The following HERC6 variants were observed in gnomAD, a reference collection of about 807,000 sequenced individuals.
HERC6 encodes HECT and RLD domain containing E3 ubiquitin protein ligase family member 6, also known as probable E3 ubiquitin-protein ligase HERC6.
In HERC6, 101 loss-of-function variants were observed where a neutral mutation model predicts 114.5. The observed-to-expected ratio is 0.88, with a 90% CI of 0.75 to 1.04. The LOEUF (loss-of-function observed/expected upper bound fraction) is 1.04. Ranked by LOEUF, HERC6 falls within the 50% of genes least tolerant of loss-of-function variation. HERC6 has a pLI of 0.00. For missense variants in HERC6, 1,133 were observed against 1,230.9 expected (o/e 0.92, Z 1.19); for synonymous variants, 408 against 436.2 (o/e 0.94, Z 0.81).
In HERC6 at chr4:88,390,820, C is replaced by G. The variant is rs769497438; in HGVS notation, c.605C>G (p.Ser202Trp). 6.2e-7 allele frequency: 1 copy of G among 1,613,932 alleles called. No individual in the cohort carries two copies. Among genetic ancestry groups the G allele is most frequent in the Non-Finnish European group, 8.5e-7 (1 of 1,179,986 alleles). ...TTTGCCCTGTCTCTCTGTGGGACTT[C>G]GTTTGGCTGGGGAAGTAACAGTGCC... ...HSFALSLCGT[S>W]FGWGSNSAGQ... Residue 202 changes from serine to tryptophan, a missense_variant, in exon 4 of 23, where the codon TCG becomes TGG. Ser to Trp is a radical substitution (Grantham distance 177). Transcript: ENST00000264346.
chr4:88,428,774 C>A, intron 16 of HERC6, 24 bp downstream of exon 16: 1 of 1,474,046 alleles, frequency 6.8e-7, no homozygotes, highest in Non-Finnish European at 9.0e-7. Flanking sequence ...TCTCATTGAA[C>A]ATTTTTACTT....
chr4:88,378,902 C>G lies in HERC6; in HGVS notation c.-20C>G, dbSNP rs1368723122. On this transcript the variant is annotated 5_prime_UTR_variant, in exon 1 of 23. Coordinates refer to ENST00000264346, the MANE Select transcript of HERC6 (RefSeq NM_017912.4). Reference sequence around the variant, plus strand: ...CGGGACCGACGGAATCCGGAGCAGGCGACAGGGCGCAGAAGCGGGATGTAC... The same window carrying G: ...CGGGACCGACGGAATCCGGAGCAGGGGACAGGGCGCAGAAGCGGGATGTAC... The G allele has an allele frequency of 6.4e-7, 1 of 1,564,838 alleles. No homozygotes were observed. The highest frequency in any genetic ancestry group is 8.7e-7 in the Non-Finnish European group (1 of 1,155,506).
Position 88,393,486 on chromosome 4 carries a change from A to C in HERC6, c.665-2A>C, listed in dbSNP as rs778491228. ...TCTAGAGATTCTGCTTTCTTTCAAC[A>C]GTGCAAAGCAACAAGCCTCTCTCAG... On this transcript the variant is annotated splice_acceptor_variant, in intron 4 of 22. Coordinates refer to ENST00000264346, the MANE Select transcript of HERC6 (RefSeq NM_017912.4). LOFTEE classifies it high-confidence loss of function. The C allele has an allele frequency of 2.3e-5, 36 of 1,593,350 alleles. No individual in the cohort carries two copies. Among genetic ancestry groups the C allele is most frequent in the Non-Finnish European group, 3.1e-5 (36 of 1,165,176 alleles).
intron 4 of HERC6, 36 bp downstream of exon 4, chr4:88,390,915 C>A: frequency 6.5e-7 from 1 of 1,541,520 alleles, no homozygotes; most frequent in South Asian, 1.2e-5. Flanking sequence ...GTAAATCATT[C>A]TTTCTTTCCA....
At chr4:88,398,088 A>G (rs1368273585) in intron 7 of HERC6, 54 bp from the exon 8 acceptor site, 1 of 1,224,208 alleles carries the variant, frequency 8.2e-7, no homozygotes, top group Admixed American at 2.7e-5. Flanking sequence ...ATAATACATC[A>G]GATTTATTTT....
chr4:88,404,418 AC>A (rs1184495195), intron 8 of HERC6, among the ~76,000 whole-genome samples: 2 of 151,876 alleles, frequency 1.3e-5, no homozygotes, highest in African/African-American at 4.8e-5. Flanking sequence ...CAAACTCCTG[AC>A]CTCAGGTGAT....
chr4:88,428,771 G>C (rs746280946), intron 16 of HERC6, 21 bp downstream of exon 16: 1 of 1,479,556 alleles, frequency 6.8e-7, no homozygotes, highest in East Asian at 2.5e-5. Flanking sequence ...AAGTCTCATT[G>C]AACATTTTTA....
At chr4:88,394,268 T>A (rs1026827657) in intron 5 of HERC6, among the ~76,000 whole-genome samples, 1 of 150,698 alleles carries the variant, frequency 6.6e-6, no homozygotes, top group Admixed American at 6.6e-5. Flanking sequence ...AGGTCAGGAG[T>A]TCAAGACCAG....
At chr4:88,398,323 G>C in intron 8 of HERC6, 114 bp downstream of exon 8, 1 of 510,602 alleles carries the variant, frequency 2.0e-6, no homozygotes, top group Non-Finnish European at 3.3e-6. Context: ...AAAACAATAA[G>C]GTCCTATATT....
At chr4:88,439,836 T>TC (rs1164490445) in intron 20 of HERC6, 38 bp from the exon 21 acceptor site, 7 of 1,398,252 alleles carry the variant, frequency 5.0e-6, no homozygotes, top group Non-Finnish European at 6.6e-6. Context: ...GCCTTTTCCT[T>TC]CCTTTCTTTT....
At chr4:88,423,451 C>T (rs1040691368) in intron 13 of HERC6, among the ~76,000 whole-genome samples, 2 of 152,116 alleles carry the variant, frequency 1.3e-5, no homozygotes, top group African/African-American at 4.8e-5. Context: ...TAAGACAGGA[C>T]ATTTTAATCT....
At chr4:88,383,048 AT>A (rs1290247475) in intron 1 of HERC6, 172 bp from the exon 2 acceptor site, 1 of 718,952 alleles carries the variant, frequency 1.4e-6, no homozygotes, top group Non-Finnish European at 2.2e-6. Flanking sequence ...CATACATTGA[AT>A]TTACTTCCTT....
rs1739168828 is a variant in HERC6, at chr4:88,439,893, T to TA, written c.2576dup (p.Tyr859Ter). The change falls in exon 21 of 23, where the codon TAT becomes TAAT. Residue 859 changes from tyrosine to a stop codon, truncating the protein, a stop_gained and frameshift_variant. Transcript: ENST00000264346. LOFTEE classifies it high-confidence loss of function. ...QTNKRDYVSK[Y>*]IDYIFNVSVK... ...CTCAAGGAGAGACTATGTTTCTAAG[T>TA]ATATTGATTACATTTTCAACGTCTC... is the stretch of plus-strand genomic sequence containing the variant. 1.3e-6 allele frequency: 2 copies of TA among 1,533,226 alleles called. No homozygotes were observed. Among genetic ancestry groups the TA allele is most frequent in the Admixed American group, 2.1e-5 (1 of 47,286 alleles). 95.0% of individuals were successfully genotyped at this position (1,533,226 alleles called of 1,614,324 possible).
rs542337559 is a variant in HERC6, at chr4:88,386,522, AT to A, written c.436+952del. Reference sequence around the variant, plus strand: ...TGCCCGGTCCCCAATTTATATTAATATTTTTGTGCACAAGAGTTCACAGAAA... The same window carrying A: ...TGCCCGGTCCCCAATTTATATTAATATTTTGTGCACAAGAGTTCACAGAAA... On this transcript the variant is annotated intron_variant, in intron 3 of 22. Coordinates refer to ENST00000264346, the MANE Select transcript of HERC6 (RefSeq NM_017912.4). Among the ~76,000 whole-genome samples the A allele has an allele frequency of 1.9e-3, 284 of 152,220 alleles. 3 individuals carry two copies. Among genetic ancestry groups the A allele is most frequent in the Non-Finnish European group, 3.2e-4 (22 of 68,002 alleles).
chr4:88,407,399 T>G (rs1287205831), intron 10 of HERC6, among the ~76,000 whole-genome samples: 1 of 151,984 alleles, frequency 6.6e-6, no homozygotes, highest in Admixed American at 6.6e-5. Flanking sequence ...GTTTGTTTGT[T>G]TGGTTTTGTT....
intron 13 of HERC6, among the ~76,000 whole-genome samples, chr4:88,419,076 A>G (rs1736783380): frequency 6.6e-6 from 1 of 152,212 alleles, no homozygotes; most frequent in Non-Finnish European, 1.5e-5. Context: ...GTAACTTAGT[A>G]AAAATTAAAT....
intron 20 of HERC6, among the ~76,000 whole-genome samples, chr4:88,439,196 G>A (rs1274366207): frequency 6.6e-6 from 1 of 152,092 alleles, no homozygotes; most frequent in Non-Finnish European, 1.5e-5. Context: ...CAAGACCTAT[G>A]AACGGGGCCA....
At chr4:88,411,016 T>C (rs1232708126) in intron 11 of HERC6, among the ~76,000 whole-genome samples, 3 of 152,210 alleles carry the variant, frequency 2.0e-5, no homozygotes, top group Non-Finnish European at 4.4e-5. Flanking sequence ...AAAAGGCATC[T>C]CAAATGTCTT....
At chr4:88,414,111 A>G (rs1736289024) in intron 12 of HERC6, among the ~76,000 whole-genome samples, 1 of 152,148 alleles carries the variant, frequency 6.6e-6, no homozygotes, top group South Asian at 2.1e-4. Flanking sequence ...AAGGGCCTTT[A>G]ACTTAAAATA....
Sources: gnomAD v4.1 joint callset for allele counts (sites outside exome capture counted in the v4.1 genomes callset) on GRCh38, gnomAD v4.1.1 for gene constraint, MANE v1.5 for transcripts, NCBI Gene and HGNC (gene_info 2026-07-23, HGNC 2026-07-21) for gene names.